Variants in THSD4 observed in about 807,000 individuals in gnomAD.
THSD4 encodes the protein thrombospondin type 1 domain containing 4.
A neutral mutation model predicts 119.0 loss-of-function variants in THSD4; 69 were observed. The ratio of observed to expected loss-of-function variants is 0.58; its 90% CI spans 0.48 to 0.71. THSD4 has a LOEUF of 0.71. Among genes scored for constraint, THSD4 ranks in the 30% least tolerant of loss-of-function variants. THSD4 has a pLI of 0.00. For synonymous variants in THSD4, 524 were observed against 540.4 expected, an observed-to-expected ratio of 0.97 and a Z score of 0.42; for missense variants, 1,393 against 1,391.1, an observed-to-expected ratio of 1.00 and a Z score of -0.02.
Position 71,194,225 on chromosome 15 carries a change from G to A in THSD4, c.100-20810G>A, listed in dbSNP as rs187982714. 2.2e-3 allele frequency among the ~76,000 whole-genome samples: 340 copies of A among 152,262 alleles called. 1 individual carries two copies. The highest frequency in any genetic ancestry group is 7.6e-3 in the African/African-American group (315 of 41,548). On this transcript the variant is annotated intron_variant, in intron 3 of 17. Coordinates refer to ENST00000261862, the MANE Select transcript of THSD4 (RefSeq NM_024817.3). ...AGCTTTAAAAAGGACTAATGCAGTT[G>A]GTGAGAATATGGAAGTACAGTCTAG...
intron 4 of THSD4, among the ~76,000 whole-genome samples, chr15:71,237,683 G>C (rs1382275765): frequency 6.6e-6 from 1 of 152,182 alleles, no homozygotes; most frequent in Non-Finnish European, 1.5e-5. Flanking sequence ...CTAGGCACAT[G>C]GGGTTGATGC....
At chr15:71,568,633 C>T (rs1450489942) in intron 7 of THSD4, among the ~76,000 whole-genome samples, 1 of 148,178 alleles carries the variant, frequency 6.7e-6, no homozygotes, top group Non-Finnish European at 1.5e-5. Context: ...GGTACATGTG[C>T]ACAACGTGCT....
At chr15:71,111,717 C>A (rs1216426968), upstream of THSD4, 2 of 523,234 alleles carry the variant, frequency 3.8e-6, no homozygotes, top group Non-Finnish European at 3.4e-6. Flanking sequence ...GAATGTAGGT[C>A]CATTTTCATC....
At chr15:71,665,436 A>G (rs764455245) in intron 8 of THSD4, among the ~76,000 whole-genome samples, 7 of 152,004 alleles carry the variant, frequency 4.6e-5, no homozygotes, top group Non-Finnish European at 7.4e-5. Flanking sequence ...ATTTTCTCCC[A>G]TTCTGTAGGG....
intron 1 of THSD4, among the ~76,000 whole-genome samples, chr15:71,122,892 A>G (rs1223210268): frequency 2.0e-5 from 3 of 152,218 alleles, no homozygotes; most frequent in Non-Finnish European, 4.4e-5. Flanking sequence ...CCATGTGATT[A>G]CCAGGTCAAA....
Position 71,442,579 on chromosome 15 carries a change from A to AAAAAAATATAT in THSD4, c.1152+30757_1152+30758insAAAAATATATA, listed in dbSNP as rs1195413080. ...GCAAAACTCCATCTCAAAAAAAAAA[A>AAAAAAATATAT]ATATATATATATATATATATATGTG... On this transcript the variant is annotated intron_variant, in intron 7 of 17. Coordinates refer to ENST00000261862, the MANE Select transcript of THSD4 (RefSeq NM_024817.3). Among the ~76,000 whole-genome samples, 18 of 39,858 alleles carry AAAAAAATATAT rather than the reference A, an allele frequency of 4.5e-4. 2 individuals carry two copies. Among genetic ancestry groups the AAAAAAATATAT allele is most frequent in the South Asian group, 2.6e-3 (2 of 774 alleles). 26.1% of individuals were successfully genotyped at this position (39,858 alleles called of 152,430 possible).
At chr15:71,742,295 A>G in intron 11 of THSD4, among the ~76,000 whole-genome samples, 1 of 152,234 alleles carries the variant, frequency 6.6e-6, no homozygotes, top group East Asian at 1.9e-4. Context: ...CTGGCATCCA[A>G]GAGTGGTCCA....
At chr15:71,718,378 G>T (rs1208251590) in intron 8 of THSD4, among the ~76,000 whole-genome samples, 1 of 152,174 alleles carries the variant, frequency 6.6e-6, no homozygotes, top group Non-Finnish European at 1.5e-5. Flanking sequence ...GGACAGCTCA[G>T]CCTGAAGAGG....
intron 6 of THSD4, among the ~76,000 whole-genome samples, chr15:71,321,049 G>C (rs531088795): frequency 3.9e-5 from 6 of 152,260 alleles, no homozygotes; most frequent in Admixed American, 3.9e-4. Flanking sequence ...GTGAAGATTA[G>C]AACTGCTGTC....
intron 6 of THSD4, among the ~76,000 whole-genome samples, chr15:71,286,698 T>G (rs2044722288): frequency 6.6e-6 from 1 of 152,236 alleles, no homozygotes; most frequent in African/African-American, 2.4e-5. Context: ...GAATGGTATT[T>G]CTGACTTTAG....
At chr15:71,439,904 C>T (rs1030612399) in intron 7 of THSD4, among the ~76,000 whole-genome samples, 16 of 152,236 alleles carry the variant, frequency 1.1e-4, no homozygotes, top group Non-Finnish European at 2.2e-4. Context: ...TTAGGAGAAA[C>T]ACCTAATGTA....
At chr15:71,453,694 C>T (rs2047297931) in intron 7 of THSD4, among the ~76,000 whole-genome samples, 1 of 152,144 alleles carries the variant, frequency 6.6e-6, no homozygotes, top group African/African-American at 2.4e-5. Context: ...GGTATTGTAT[C>T]CAGACACTGA....
intron 3 of THSD4, among the ~76,000 whole-genome samples, chr15:71,208,491 T>C (rs2043863135): frequency 6.8e-6 from 1 of 146,122 alleles, no homozygotes; most frequent in African/African-American, 2.5e-5. Flanking sequence ...TCTTTTTCTT[T>C]TTTTCTCTTT....
intron 7 of THSD4, among the ~76,000 whole-genome samples, chr15:71,438,665 A>T (rs899699383): frequency 6.6e-6 from 1 of 150,636 alleles, no homozygotes; most frequent in African/African-American, 2.5e-5. Context: ...CCTCTTTATT[A>T]CTTGTGTATA....
In THSD4 at chr15:71,590,232, G is replaced by A. The variant is rs1040066977; in HGVS notation, c.1153-70298G>A. Among the ~76,000 whole-genome samples, 10 of 138,632 alleles carry A rather than the reference G, an allele frequency of 7.2e-5. 1 individual carries two copies. The highest frequency in any genetic ancestry group is 4.2e-4 in the East Asian group (2 of 4,740). 90.9% of individuals were successfully genotyped at this position (138,632 alleles called of 152,430 possible). A position where few individuals can be genotyped will look rare whatever the true frequency, so the allele number is the denominator to read the frequency against. On this transcript the variant is annotated intron_variant, in intron 7 of 17. Coordinates refer to ENST00000261862, the MANE Select transcript of THSD4 (RefSeq NM_024817.3). Reference sequence around the variant, plus strand: ...TTTGTCTGAAGACTTGAAATATTCCGTAATACGTTTGTTCACAGCAGAATT... The same window carrying A: ...TTTGTCTGAAGACTTGAAATATTCCATAATACGTTTGTTCACAGCAGAATT...
intron 3 of THSD4, among the ~76,000 whole-genome samples, chr15:71,199,489 GTGTGTGTGGT>G (rs2043751397): frequency 1.3e-5 from 1 of 76,856 alleles, no homozygotes; most frequent in African/African-American, 3.3e-5. Flanking sequence ...TGTGTGTGGG[GTGTGTGTGGT>G]GTGTGTGTGT....
At chr15:71,319,922 T>C (rs990384410) in intron 6 of THSD4, among the ~76,000 whole-genome samples, 17 of 152,220 alleles carry the variant, frequency 1.1e-4, no homozygotes, top group African/African-American at 3.6e-4. Flanking sequence ...TCAGAGCTCT[T>C]ACTGTACTGA....
At chr15:71,111,192 A>G (rs1456177124), upstream of THSD4, 1 of 1,613,130 alleles carries the variant, frequency 6.2e-7, no homozygotes, top group Admixed American at 1.7e-5. Context: ...AGAGGATGAG[A>G]GCAAGTGTGA....
At chr15:71,221,663 C>T (rs779077346) in intron 4 of THSD4, among the ~76,000 whole-genome samples, 2 of 152,152 alleles carry the variant, frequency 1.3e-5, no homozygotes, top group Non-Finnish European at 2.9e-5. Flanking sequence ...CCACATTTTG[C>T]TTATCCTTTC....
Sources: allele counts gnomAD v4.1 joint callset (sites outside exome capture counted in the v4.1 genomes callset), GRCh38; gene constraint gnomAD v4.1.1; transcripts MANE v1.5; gene names NCBI Gene and HGNC (gene_info 2026-07-23, HGNC 2026-07-21).